Variants in NUGGC observed in about 807,000 individuals in gnomAD.
NUGGC encodes the protein nuclear GTPase, germinal center associated, also known as nuclear GTPase SLIP-GC.
Under a neutral mutation model 92.6 loss-of-function variants are expected in NUGGC, and 58 were observed. That is an observed-to-expected ratio of 0.63 (90% CI 0.51 to 0.78). The LOEUF (loss-of-function observed/expected upper bound fraction) is 0.78. Ranked by LOEUF, NUGGC falls within the 30% of genes least tolerant of loss-of-function variation. The probability of loss-of-function intolerance (pLI) is 0.00; values close to 1 mark genes in which losing one functional copy is unlikely to be tolerated. For synonymous variants in NUGGC, 376 were observed against 366.4 expected (o/e 1.03, Z -0.30); for missense variants, 925 against 964.6 (o/e 0.96, Z 0.54).
At position 28,070,247 on chromosome 8, in the gene NUGGC, C is replaced by A; in HGVS notation, c.148+5G>T. 1 of 1,541,668 alleles carries A rather than the reference C, an allele frequency of 6.5e-7. No individual in the cohort carries two copies. The highest frequency in any genetic ancestry group is 8.8e-7 in the Non-Finnish European group (1 of 1,137,212). On this transcript the variant is annotated splice_donor_5th_base_variant and intron_variant, in intron 3 of 18. Coordinates refer to ENST00000413272, the MANE Select transcript of NUGGC (RefSeq NM_001010906.2). ...ATGTTAAAACAACAGTTCCAAGACACTCACATTCCTTAAGAGCACTCTGCT... is the reference window on the plus strand; with the variant it reads ...ATGTTAAAACAACAGTTCCAAGACAATCACATTCCTTAAGAGCACTCTGCT...
intron 1 of NUGGC, among the ~76,000 whole-genome samples, chr8:28,081,842 C>A (rs1291947140): frequency 6.6e-6 from 1 of 150,722 alleles, no homozygotes; most frequent in African/African-American, 2.4e-5. Context: ...CATGCCACTG[C>A]ACTCCAGCCT....
chr8:28,073,895 T>A (rs1563232516), intron 2 of NUGGC, among the ~76,000 whole-genome samples: 1 of 151,968 alleles, frequency 6.6e-6, no homozygotes, highest in Non-Finnish European at 1.5e-5. Context: ...GCCTCCTGGG[T>A]TCAAGTGATT....
intron 7 of NUGGC, among the ~76,000 whole-genome samples, chr8:28,061,786 CT>C (rs1431696074): frequency 1.3e-5 from 2 of 152,102 alleles, no homozygotes; most frequent in Non-Finnish European, 2.9e-5. Flanking sequence ...TTGTGACAAC[CT>C]TGGGGGGGTA....
chr8:28,023,585 A>G lies in NUGGC; in HGVS notation c.2246-123T>C. On this transcript the variant is annotated intron_variant, in intron 18 of 18. Transcript: ENST00000413272. ...ATATGAGATCTGGAGTGGTGCTTACAGATCAGACATCAAAGCAGGTGTTCC... is the reference window on the plus strand; with the variant it reads ...ATATGAGATCTGGAGTGGTGCTTACGGATCAGACATCAAAGCAGGTGTTCC... 10 of 946,704 alleles carry G rather than the reference A, an allele frequency of 1.1e-5. No individual in the cohort carries two copies. In the South Asian group the frequency reaches 1.7e-4, roughly 16 times the overall value. The allele number at this position is 946,704 out of a possible 1,614,324, so 58.6% of individuals were successfully genotyped here.
chr8:28,026,786 A>G (rs1449740108), intron 18 of NUGGC, among the ~76,000 whole-genome samples, 176 bp downstream of exon 18: 2 of 152,120 alleles, frequency 1.3e-5, no homozygotes, highest in East Asian at 3.9e-4. Flanking sequence ...CATCATCATC[A>G]TCATCATCAC....
intron 7 of NUGGC, among the ~76,000 whole-genome samples, chr8:28,064,140 G>A (rs1250370664): frequency 6.6e-6 from 1 of 152,186 alleles, no homozygotes; most frequent in Non-Finnish European, 1.5e-5. Context: ...TGCTGATGCT[G>A]CTTACAGCCA....
chr8:28,048,807 G>A (rs558835531), intron 10 of NUGGC, among the ~76,000 whole-genome samples: 14 of 147,736 alleles, frequency 9.5e-5, no homozygotes, highest in African/African-American at 3.0e-4. Flanking sequence ...AGGTTGCAAT[G>A]AGCCAAGATC....
intron 7 of NUGGC, among the ~76,000 whole-genome samples, chr8:28,062,426 G>A (rs536158866): frequency 6.6e-6 from 1 of 151,408 alleles, no homozygotes; most frequent in Middle Eastern, 3.2e-3. Context: ...CACCAGCCTG[G>A]GCAATATGGT....
intron 13 of NUGGC, among the ~76,000 whole-genome samples, chr8:28,037,100 C>T (rs539026606): frequency 1.3e-5 from 2 of 152,142 alleles, no homozygotes; most frequent in East Asian, 3.9e-4. Context: ...TACGATTCCT[C>T]GTTTATCCAG....
At chr8:28,046,581 T>C (rs1218450482) in intron 11 of NUGGC, among the ~76,000 whole-genome samples, 1 of 152,188 alleles carries the variant, frequency 6.6e-6, no homozygotes, top group Non-Finnish European at 1.5e-5. Flanking sequence ...CCATGCCTTA[T>C]GCTTTCACTG....
chr8:28,070,188 G>A, intron 3 of NUGGC, 64 bp downstream of exon 3: 1 of 1,491,834 alleles, frequency 6.7e-7, no homozygotes, highest in Non-Finnish European at 9.0e-7. Flanking sequence ...CTCTTCCTTT[G>A]ACCATTTTAA....
At chr8:28,036,866 G>A (rs1042784064) in intron 13 of NUGGC, among the ~76,000 whole-genome samples, 6 of 152,162 alleles carry the variant, frequency 3.9e-5, no homozygotes, top group Non-Finnish European at 7.3e-5. Flanking sequence ...GGAGTAGGCC[G>A]AGGCGGTCTT....
At chr8:28,035,854 A>G (rs1206887359) in intron 13 of NUGGC, among the ~76,000 whole-genome samples, 2 of 152,188 alleles carry the variant, frequency 1.3e-5, no homozygotes, top group African/African-American at 4.8e-5. Flanking sequence ...TTTACTTCTC[A>G]GGAGCATGTG....
chr8:28,078,198 TGG>T (rs1810769259), intron 1 of NUGGC, among the ~76,000 whole-genome samples: 1 of 152,150 alleles, frequency 6.6e-6, no homozygotes, highest in African/African-American at 2.4e-5. Context: ...TTGGAATCAT[TGG>T]AAATTATGTG....
intron 10 of NUGGC, among the ~76,000 whole-genome samples, chr8:28,048,879 A>T (rs1043293658): frequency 6.7e-6 from 1 of 148,186 alleles, no homozygotes; most frequent in African/African-American, 2.5e-5. Flanking sequence ...AAAAAAAAAA[A>T]AGTCAAGCAA....
In NUGGC at chr8:28,027,006, G is replaced by A; in HGVS notation, c.2201C>T (p.Ala734Val). The A allele has an allele frequency of 1.2e-6, 2 of 1,613,822 alleles. No homozygotes were observed. The highest frequency in any genetic ancestry group is 1.7e-6 in the Non-Finnish European group (2 of 1,179,760). ...GCCATCCCCCTGGGACGAAGCAAGG[G>A]CCAGCATAGTGGTGATGCTGCCCTT... ...KVKGSITTML[A>V]LASSQGDGLY... Residue 734 changes from alanine (A) to valine (V), a missense_variant, in exon 18 of 19, where the codon GCC becomes GTC. Physicochemically the swap from Ala to Val is moderately conservative, Grantham distance 64 (BLOSUM62 0). Coordinates refer to ENST00000413272, the MANE Select transcript of NUGGC (RefSeq NM_001010906.2).
At chr8:28,041,890 C>A (rs1398738209) in intron 12 of NUGGC, among the ~76,000 whole-genome samples, 1 of 152,032 alleles carries the variant, frequency 6.6e-6, no homozygotes. Flanking sequence ...CCCCTAGGTG[C>A]CTGATATGGT....
intron 13 of NUGGC, among the ~76,000 whole-genome samples, chr8:28,040,351 T>C (rs1029020206): frequency 6.6e-6 from 1 of 152,260 alleles, no homozygotes; most frequent in African/African-American, 2.4e-5. Flanking sequence ...TGTAAGCTCA[T>C]TGATACTGAT....
chr8:28,059,489 G>A (rs1273530209), intron 8 of NUGGC, among the ~76,000 whole-genome samples: 5 of 152,108 alleles, frequency 3.3e-5, no homozygotes, highest in East Asian at 1.9e-4. Context: ...ACCTTCTCCC[G>A]AAGTTCTAAA....
Sources: allele counts gnomAD v4.1 joint callset (sites outside exome capture counted in the v4.1 genomes callset), GRCh38; gene constraint gnomAD v4.1.1; transcripts MANE v1.5; gene names NCBI Gene and HGNC (gene_info 2026-07-23, HGNC 2026-07-21).